The following TMEM63C variants were observed in gnomAD, a reference collection of about 807,000 sequenced individuals.
TMEM63C encodes the protein transmembrane protein 63C.
A neutral mutation model predicts 99.2 loss-of-function variants in TMEM63C; 32 were observed. That is an observed-to-expected ratio of 0.32 (90% confidence interval 0.24 to 0.43). TMEM63C has a LOEUF of 0.43. TMEM63C is among the 20% of genes least tolerant of loss of function. The probability of loss-of-function intolerance (pLI) is 1.00; values close to 1 mark genes in which losing one functional copy is unlikely to be tolerated. For missense variants in TMEM63C, 826 were observed against 1,053.0 expected (o/e 0.78, Z 2.98); for synonymous variants, 376 against 397.9 (o/e 0.94, Z 0.66).
chr14:77,186,776 G>GGGGTGTGTGTGT (rs1374329494), intron 1 of TMEM63C, among the ~76,000 whole-genome samples: 62 of 138,554 alleles, frequency 4.5e-4, no homozygotes, highest in African/African-American at 1.3e-3. Context: ...GAACCAAAGG[G>GGGGTGTGTGTGT]GTGTGTGTGT....
chr14:77,255,986 C>T (rs733417), intron 23 of TMEM63C, among the ~76,000 whole-genome samples: 42,600 of 152,142 alleles, frequency 0.28, 6,565 homozygotes, highest in East Asian at 0.61. Context: ...AATTGCTCTT[C>T]TTCCTAGTAC....
intron 1 of TMEM63C, among the ~76,000 whole-genome samples, chr14:77,193,672 TA>T (rs1888148598): frequency 6.6e-6 from 1 of 151,944 alleles, no homozygotes; most frequent in Non-Finnish European, 1.5e-5. Context: ...CCGTCTCTGT[TA>T]AAAATACAAA....
At chr14:77,230,670 C>T (rs556778708) in intron 6 of TMEM63C, among the ~76,000 whole-genome samples, 17 of 152,252 alleles carry the variant, frequency 1.1e-4, no homozygotes, top group South Asian at 1.0e-3. Context: ...TTATGAGACT[C>T]TAACTAATGC....
rs369527589 is a variant in TMEM63C, at chr14:77,256,493, C to T, written c.2221-33C>T. The T allele has an allele frequency of 1.1e-5, 18 of 1,611,650 alleles. No individual in the cohort carries two copies. The Admixed American group carries it at 1.8e-4, about 16-fold the overall frequency. ...CCCAGGGCCTTGCCCCCAACGTGAC[C>T]TTGCTCCTGTCCCCTGTCTCTATCC... On this transcript the variant is annotated intron_variant, in intron 23 of 23. Transcript: ENST00000298351.
At chr14:77,243,836 C>T (rs199932501) in intron 15 of TMEM63C, among the ~76,000 whole-genome samples, 25 of 152,030 alleles carry the variant, frequency 1.6e-4, no homozygotes, top group Non-Finnish European at 2.9e-4. Flanking sequence ...AGTCAACAGA[C>T]GTGTGCATGC....
At chr14:77,188,502 C>T (rs1007799330) in intron 1 of TMEM63C, among the ~76,000 whole-genome samples, 3 of 152,132 alleles carry the variant, frequency 2.0e-5, no homozygotes, top group Admixed American at 1.3e-4. Flanking sequence ...GTATACATTA[C>T]CTAGAGAAAC....
At position 77,225,444 on chromosome 14, in the gene TMEM63C, C is replaced by T. The variant is rs201891673; in HGVS notation, c.333C>T (p.Phe111=). 109 of 1,613,356 alleles carry T rather than the reference C, an allele frequency of 6.8e-5. No individual in the cohort carries two copies. In the East Asian group the frequency reaches 2.4e-3, roughly 35 times the overall value. The change falls in exon 6 of 24, where the codon TTC becomes TTT. Residue 111 remains phenylalanine, a synonymous_variant. Coordinates refer to ENST00000298351, the MANE Select transcript of TMEM63C (RefSeq NM_020431.4). ...RRDKGFCSWF[F]NSITMKDEDL... ...CGCAGGGATTCTGTTCCTGGTTCTT[C>T]AACAGCATAACAATGAAGTAAGTGC...
intron 2 of TMEM63C, among the ~76,000 whole-genome samples, chr14:77,215,818 T>G (rs140954752): frequency 6.6e-6 from 1 of 152,108 alleles, no homozygotes. Context: ...GCTCCAGCAG[T>G]TCCCCCCTCC....
chr14:77,224,469 G>A (rs1888782237), intron 5 of TMEM63C, among the ~76,000 whole-genome samples: 1 of 152,094 alleles, frequency 6.6e-6, no homozygotes, highest in African/African-American at 2.4e-5. Flanking sequence ...CCTTGTGCAA[G>A]GTTTTGCTAA....
Position 77,239,335 on chromosome 14 carries a change from G to A in TMEM63C, c.726-77G>A, listed in dbSNP as rs79620263. ...GCTGAGCCACCCAGCCCTCAGGGCC[G>A]ACATGCTGGGCAGGGGGTAGGGGCA... On this transcript the variant is annotated intron_variant, in intron 10 of 23. Transcript: ENST00000298351. 2.2e-3 allele frequency: 3,207 copies of A among 1,489,528 alleles called. 86 individuals carry two copies. In the East Asian group the frequency reaches 0.054, roughly 25 times the overall value. The allele number at this position is 1,489,528 out of a possible 1,614,324, so 92.3% of individuals were successfully genotyped here.
intron 1 of TMEM63C, among the ~76,000 whole-genome samples, chr14:77,193,891 T>C (rs1012248658): frequency 6.6e-6 from 1 of 151,360 alleles, no homozygotes; most frequent in African/African-American, 2.4e-5. Flanking sequence ...TTCCAGCTAC[T>C]TGAGAGATGG....
At chr14:77,186,856 CT>C (rs1888010338) in intron 1 of TMEM63C, among the ~76,000 whole-genome samples, 1 of 109,118 alleles carries the variant, frequency 9.2e-6, no homozygotes, top group African/African-American at 3.3e-5. Context: ...AGGGAGTGTC[CT>C]TTCATACAAT....
At chr14:77,228,631 C>A (rs941793903) in intron 6 of TMEM63C, among the ~76,000 whole-genome samples, 1 of 151,836 alleles carries the variant, frequency 6.6e-6, no homozygotes, top group Non-Finnish European at 1.5e-5. Context: ...CCGCCTCCCA[C>A]GTTCAAACAA....
chr14:77,229,059 G>A (rs190774480), intron 6 of TMEM63C, among the ~76,000 whole-genome samples: 3 of 152,280 alleles, frequency 2.0e-5, no homozygotes, highest in Admixed American at 1.3e-4. Context: ...AAAGAGCAGT[G>A]CATCAAATGC....
chr14:77,255,243 G>A (rs12437257), intron 23 of TMEM63C, among the ~76,000 whole-genome samples: 31,841 of 152,138 alleles, frequency 0.21, 4,092 homozygotes, highest in East Asian at 0.6. Context: ...CACCCGCCTC[G>A]GCCTCCCAAA....
chr14:77,193,764 G>A (rs144230783), intron 1 of TMEM63C, among the ~76,000 whole-genome samples: 5 of 151,992 alleles, frequency 3.3e-5, no homozygotes, highest in Admixed American at 3.3e-4. Context: ...AACCCGGGAG[G>A]CAGAAGTTGC....
At chr14:77,242,097 C>T (rs754728567) in intron 13 of TMEM63C, among the ~76,000 whole-genome samples, 19 of 152,214 alleles carry the variant, frequency 1.2e-4, no homozygotes, top group Admixed American at 6.5e-4. Flanking sequence ...AACAGAACCA[C>T]GTGGCACCTC....
At chr14:77,223,286 G>A (rs112623129) in intron 5 of TMEM63C, among the ~76,000 whole-genome samples, 14 of 152,248 alleles carry the variant, frequency 9.2e-5, no homozygotes, top group African/African-American at 3.4e-4. Context: ...CAGTGAGGGG[G>A]ACAAACTGAA....
At chr14:77,234,435 C>A (rs780769242) in intron 8 of TMEM63C, among the ~76,000 whole-genome samples, 2 of 152,216 alleles carry the variant, frequency 1.3e-5, no homozygotes, top group Non-Finnish European at 2.9e-5. Context: ...CCATTGCTGG[C>A]CCGAGGTACC....
Sources: allele counts gnomAD v4.1 joint callset (sites outside exome capture counted in the v4.1 genomes callset), GRCh38; gene constraint gnomAD v4.1.1; transcripts MANE v1.5; gene names NCBI Gene and HGNC (gene_info 2026-07-23, HGNC 2026-07-21).